The following CBFA2T3 variants were observed in gnomAD, a reference collection of about 807,000 sequenced individuals.
The protein encoded by CBFA2T3 is CBFA2/RUNX1 partner transcriptional co-repressor 3.
Under a neutral mutation model 58.6 loss-of-function variants are expected in CBFA2T3, and 31 were observed. The ratio of observed to expected loss-of-function variants is 0.53; its 90% CI spans 0.40 to 0.71. CBFA2T3 has a LOEUF of 0.71. Ranked by LOEUF, CBFA2T3 falls within the 30% of genes least tolerant of loss-of-function variation. The pLI, the probability that CBFA2T3 is intolerant of heterozygous loss-of-function variation, is 0.00. For synonymous variants in CBFA2T3, 531 were observed against 421.9 expected (o/e 1.26, Z -3.17); for missense variants, 1,076 against 963.1 (o/e 1.12, Z -1.55).
chr16:88,962,820 A>G (rs1435608758), intron 1 of CBFA2T3, among the ~76,000 whole-genome samples: 1 of 152,158 alleles, frequency 6.6e-6, no homozygotes, highest in African/African-American at 2.4e-5. Context: ...AACCCTGGAG[A>G]TGAGGGGCGC....
intron 2 of CBFA2T3, among the ~76,000 whole-genome samples, chr16:88,899,803 G>A (rs953129443): frequency 6.6e-6 from 1 of 152,230 alleles, no homozygotes; most frequent in Non-Finnish European, 1.5e-5. Context: ...TGCGCCCATG[G>A]CCGGGTCTCC....
intron 1 of CBFA2T3, among the ~76,000 whole-genome samples, chr16:88,920,865 G>A (rs1417986860): frequency 4.6e-5 from 7 of 152,216 alleles, no homozygotes; most frequent in Non-Finnish European, 8.8e-5. Context: ...CCTCCTGGAG[G>A]CCAAGCCCCT....
intron 3 of CBFA2T3, among the ~76,000 whole-genome samples, chr16:88,894,143 C>T (rs1421015578): frequency 6.6e-6 from 1 of 152,236 alleles, no homozygotes; most frequent in Non-Finnish European, 1.5e-5. Context: ...CCCCCACCAC[C>T]CTTACACACA....
chr16:88,915,016 T>TGGAG (rs1364376469), intron 1 of CBFA2T3, among the ~76,000 whole-genome samples: 2 of 130,042 alleles, frequency 1.5e-5, no homozygotes, highest in African/African-American at 5.8e-5. Flanking sequence ...GGGGCAGGGG[T>TGGAG]GGAGGGAGGA....
chr16:88,879,523 C>T lies in CBFA2T3; in HGVS notation c.1472-63G>A, dbSNP rs576182074. On this transcript the variant is annotated intron_variant, in intron 10 of 11. Coordinates refer to ENST00000268679, the MANE Select transcript of CBFA2T3 (RefSeq NM_005187.6). ...CCATCCCAGATGGGTCTCTGGACTT[C>T]CTACGCGTGGCCACAACCTGGGGAC... is the stretch of plus-strand genomic sequence containing the variant. 7 of 1,491,020 alleles carry T rather than the reference C, an allele frequency of 4.7e-6. No homozygotes were observed. The African/African-American group carries it at 5.5e-5, about 12-fold the overall frequency. The allele number at this position is 1,491,020 out of a possible 1,614,324, so 92.4% of individuals were successfully genotyped here.
At chr16:88,892,510 G>C (rs745419080) in intron 3 of CBFA2T3, 25 bp from the exon 4 acceptor site, 2 of 1,609,070 alleles carry the variant, frequency 1.2e-6, no homozygotes, top group African/African-American at 1.3e-5. Context: ...CGGACATGAG[G>C]ACACAAAGGT....
intron 3 of CBFA2T3, among the ~76,000 whole-genome samples, chr16:88,893,807 G>A (rs1016858521): frequency 1.3e-5 from 2 of 152,184 alleles, no homozygotes; most frequent in Admixed American, 1.3e-4. Context: ...CTAAGGCCAA[G>A]CCTCTTGCAA....
chr16:88,875,081 C>G lies in CBFA2T3; in HGVS notation c.*1895G>C. 1 of 236,494 alleles carries G rather than the reference C, an allele frequency of 4.2e-6. No homozygotes were observed. The highest frequency in any genetic ancestry group is 8.4e-6 in the Non-Finnish European group (1 of 119,666). 14.6% of individuals were successfully genotyped at this position (236,494 alleles called of 1,614,324 possible). On this transcript the variant is annotated 3_prime_UTR_variant, in exon 12 of 12. Transcript: ENST00000268679. ...CACAGATGCCAGGCCACGGGCCACGCCACGCGCACAGATGCCAGGCCACGG... is the reference window on the plus strand; with the variant it reads ...CACAGATGCCAGGCCACGGGCCACGGCACGCGCACAGATGCCAGGCCACGG...
intron 1 of CBFA2T3, among the ~76,000 whole-genome samples, chr16:88,915,958 G>A (rs1299056525): frequency 6.6e-6 from 1 of 152,128 alleles, no homozygotes; most frequent in African/African-American, 2.4e-5. Context: ...ATGAGTGTAC[G>A]TGGGTGCATG....
intron 1 of CBFA2T3, among the ~76,000 whole-genome samples, chr16:88,924,338 C>T (rs1172582053): frequency 2.0e-5 from 3 of 152,218 alleles, no homozygotes; most frequent in Admixed American, 6.5e-5. Flanking sequence ...GCACAAGCTC[C>T]GCCCTGGCCC....
intron 1 of CBFA2T3, chr16:88,936,934 C>T (rs1019600880): frequency 1.3e-5 from 2 of 152,252 alleles, no homozygotes; most frequent in African/African-American, 4.8e-5. Flanking sequence ...CTCTCCTCAT[C>T]GTCAGTTTCC....
intron 5 of CBFA2T3, among the ~76,000 whole-genome samples, chr16:88,889,763 T>G: frequency 6.9e-6 from 1 of 145,224 alleles, no homozygotes; most frequent in African/African-American, 2.6e-5. Flanking sequence ...GCCCCGCGAT[T>G]CCTCCTCCTC....
At chr16:88,910,716 C>T (rs1011377803) in intron 1 of CBFA2T3, among the ~76,000 whole-genome samples, 2 of 152,192 alleles carry the variant, frequency 1.3e-5, no homozygotes, top group East Asian at 1.9e-4. Context: ...GTGCTGACTC[C>T]GGGAAGGGCC....
At chr16:88,914,154 TCA>T (rs1970613534) in intron 1 of CBFA2T3, among the ~76,000 whole-genome samples, 1 of 152,226 alleles carries the variant, frequency 6.6e-6, no homozygotes, top group Non-Finnish European at 1.5e-5. Context: ...AAGCGGTCTC[TCA>T]CAAACGCGGT....
rs1034003881 is a variant in CBFA2T3 at position 88,875,369 on chromosome 16, C to T, written c.*1607G>A. 9 of 233,034 alleles carry T rather than the reference C, an allele frequency of 3.9e-5. No individual in the cohort carries two copies. Among genetic ancestry groups the T allele is most frequent in the Middle Eastern group, 1.2e-3 (1 of 814 alleles). 14.4% of individuals were successfully genotyped at this position (233,034 alleles called of 1,614,324 possible). A position where few individuals can be genotyped will look rare whatever the true frequency, so the allele number is the denominator to read the frequency against. ...CAGGGCTGGAGGATGGGAGGGAGCA[C>T]GTCTGATAGAAAACGTCACCGAGAC... On this transcript the variant is annotated 3_prime_UTR_variant, in exon 12 of 12. Coordinates refer to ENST00000268679, the MANE Select transcript of CBFA2T3 (RefSeq NM_005187.6).
intron 1 of CBFA2T3, among the ~76,000 whole-genome samples, chr16:88,970,139 G>A (rs1024594403): frequency 9.2e-5 from 14 of 151,988 alleles, no homozygotes; most frequent in East Asian, 1.9e-4. Context: ...CCAGTGAAAC[G>A]GCTGCTCTGC....
At chr16:88,932,172 CTGCTTCCCCCT>C (rs1317801811) in intron 1 of CBFA2T3, among the ~76,000 whole-genome samples, 11 of 137,732 alleles carry the variant, frequency 8.0e-5, no homozygotes, top group African/African-American at 3.2e-4. Flanking sequence ...CACACGGCCC[CTGCTTCCCCCT>C]CACACGGCCC....
At chr16:88,898,048 G>T in intron 3 of CBFA2T3, 30 bp downstream of exon 3, 4 of 1,547,094 alleles carry the variant, frequency 2.6e-6, no homozygotes, top group Non-Finnish European at 3.6e-6. Flanking sequence ...GACCTCTGGG[G>T]AGGCCTGCGG....
At chr16:88,923,754 G>C (rs571385059) in intron 1 of CBFA2T3, among the ~76,000 whole-genome samples, 10 of 152,210 alleles carry the variant, frequency 6.6e-5, no homozygotes, top group African/African-American at 2.2e-4. Flanking sequence ...TTTGGAACTC[G>C]GGCTCTGGGC....
Sources: gnomAD v4.1 joint callset for allele counts (sites outside exome capture counted in the v4.1 genomes callset) on GRCh38, gnomAD v4.1.1 for gene constraint, MANE v1.5 for transcripts, NCBI Gene and HGNC (gene_info 2026-07-23, HGNC 2026-07-21) for gene names.